Variants in RASL10A observed in about 807,000 individuals in gnomAD.
RASL10A encodes the protein ras-like protein family member 10A.
RASL10A carries 13 observed loss-of-function variants against 17.3 expected under a neutral mutation model. The observed-to-expected ratio is 0.75, with a 90% CI of 0.49 to 1.20. The LOEUF is 1.20. Among genes scored for constraint, RASL10A ranks in the 50% most tolerant of loss-of-function variants. RASL10A has a pLI of 0.00. For synonymous variants in RASL10A, 159 were observed against 142.2 expected (o/e 1.12, Z -0.84); for missense variants, 307 against 310.3 (o/e 0.99, Z 0.08).
At position 29,313,447 on chromosome 22, in the gene RASL10A, A is replaced by G; in HGVS notation, c.466T>C (p.Tyr156His). 1.9e-6 allele frequency: 3 copies of G among 1,541,908 alleles called. No individual in the cohort carries two copies. The highest frequency in any genetic ancestry group is 1.2e-5 in the South Asian group (1 of 84,328). ...TTGTACTTGGCGGAGCACTCGAGGT[A>G]GCCGCAGCGCCAGCCCCTGCGCACT... ...ALVRRGWRCGYLECSAKYNWH... is the reference protein window; with the variant it reads ...ALVRRGWRCGHLECSAKYNWH... Residue 156 changes from tyrosine (Y) to histidine (H), a missense_variant, in exon 3 of 3, where the codon TAC becomes CAC. Transcript: ENST00000216101.
At chr22:29,318,433 G>T (rs577445889), upstream of RASL10A, among the ~76,000 whole-genome samples, 1 of 152,216 alleles carries the variant, frequency 6.6e-6, no homozygotes, top group Non-Finnish European at 1.5e-5. Context: ...TGGACCCAGA[G>T]GGTTCTCAGG....
At chr22:29,318,323 C>T (rs2061462593), upstream of RASL10A, among the ~76,000 whole-genome samples, 1 of 152,208 alleles carries the variant, frequency 6.6e-6, no homozygotes, top group Non-Finnish European at 1.5e-5. Context: ...CCCTGGGACG[C>T]CATGATTGGG....
chr22:29,313,595 G>A, intron 2 of RASL10A, 27 bp from the exon 3 acceptor site: 1 of 1,509,264 alleles, frequency 6.6e-7, no homozygotes, highest in Non-Finnish European at 8.8e-7. Context: ...GATGAGAGAC[G>A]CGGGGACCCC....
At chr22:29,316,623 C>G (rs756429667), upstream of RASL10A, 2 of 152,306 alleles carry the variant, frequency 1.3e-5, no homozygotes, top group Non-Finnish European at 2.9e-5. Context: ...GCCCAGCCCC[C>G]CCATCCTCCG....
At chr22:29,317,392 G>A (rs2061459255), upstream of RASL10A, among the ~76,000 whole-genome samples, 1 of 151,922 alleles carries the variant, frequency 6.6e-6, no homozygotes, top group Admixed American at 6.6e-5. Flanking sequence ...TGTGTACTAC[G>A]ACATCCAGCT....
Position 29,315,193 on chromosome 22 carries a change from C to T in RASL10A, c.54G>A (p.Thr18=). 2.0e-6 allele frequency: 3 copies of T among 1,537,296 alleles called. No individual in the cohort carries two copies. The highest frequency in any genetic ancestry group is 2.6e-6 in the Non-Finnish European group (3 of 1,149,464). ...AVLGAPGVGK[T]AIIRQFLFGD... ...CGAACAGGAACTGGCGGATGATGGC[C>T]GTCTTGCCCACGCCCGGGGCGCCTA... The change falls in exon 1 of 3, where the codon ACG becomes ACA. Residue 18 remains threonine (T), a synonymous_variant. Transcript: ENST00000216101. The surrounding 1 kb of genome is among the most constrained non-coding windows in gnomAD (Gnocchi z 5.5).
Position 29,313,449 on chromosome 22 carries a change from C to T in RASL10A, c.464G>A (p.Gly155Asp). 1.9e-6 allele frequency: 3 copies of T among 1,542,036 alleles called. No homozygotes were observed. Among genetic ancestry groups the T allele is most frequent in the African/African-American group, 1.4e-5 (1 of 73,258 alleles). Residue 155 changes from glycine to aspartate, a missense_variant, in exon 3 of 3, where the codon GGC becomes GAC. Physicochemically the swap from Gly to Asp is moderately conservative, Grantham distance 94. Transcript: ENST00000216101. Reference protein sequence around the residue: ...AALVRRGWRCGYLECSAKYNW... With the variant: ...AALVRRGWRCDYLECSAKYNW... ...GTACTTGGCGGAGCACTCGAGGTAG[C>T]CGCAGCGCCAGCCCCTGCGCACTAG...
chr22:29,314,984 C>T (rs1404903770), intron 1 of RASL10A, 44 bp downstream of exon 1: 4 of 1,412,720 alleles, frequency 2.8e-6, no homozygotes, highest in South Asian at 2.8e-5. Flanking sequence ...GCACGCACAC[C>T]CCTCACACTG....
upstream of RASL10A, chr22:29,316,691 AT>A (rs1443323788): frequency 2.6e-5 from 4 of 152,276 alleles, no homozygotes; most frequent in African/African-American, 4.8e-5. Context: ...GCACATGGCA[AT>A]GCTCAAGAAA....
At chr22:29,313,685 C>G in intron 2 of RASL10A, 117 bp from the exon 3 acceptor site, 1 of 1,416,946 alleles carries the variant, frequency 7.1e-7, no homozygotes. Context: ...CCCCCCCCGC[C>G]GCCCCAACGA....
intron 1 of RASL10A, 197 bp from the exon 2 acceptor site, chr22:29,314,184 A>T (rs1211722217): frequency 1.6e-6 from 1 of 634,118 alleles, no homozygotes; most frequent in Non-Finnish European, 2.6e-6. Context: ...GGAGCCTGTC[A>T]GCCAGCCTCC....
At chr22:29,315,742 G>C (rs1407231393), upstream of RASL10A, 2 of 152,258 alleles carry the variant, frequency 1.3e-5, no homozygotes, top group Admixed American at 1.3e-4. The surrounding 1 kb of genome is among the most constrained non-coding windows in gnomAD (Gnocchi z 5.5). Flanking sequence ...TCCCGGAGGC[G>C]GCGATGAGGT....
chr22:29,313,777 G>A, intron 2 of RASL10A, 86 bp downstream of exon 2: 1 of 1,561,174 alleles, frequency 6.4e-7, no homozygotes, highest in Non-Finnish European at 8.7e-7. Flanking sequence ...GGCCCACGAC[G>A]TTGGGAGACC....
In RASL10A at chr22:29,315,183, G is replaced by A. The variant is rs2061445935; in HGVS notation, c.64C>T (p.Arg22Cys). ...GGGTAGTCACCGAACAGGAACTGGCGGATGATGGCCGTCTTGCCCACGCCC... is the reference window on the plus strand; with the variant it reads ...GGGTAGTCACCGAACAGGAACTGGCAGATGATGGCCGTCTTGCCCACGCCC... The part of the protein sequence containing the change: ...APGVGKTAII[R>C]QFLFGDYPER... The change falls in exon 1 of 3, where the codon CGC becomes TGC. Residue 22 changes from arginine (R) to cysteine (C), a missense_variant. Arg to Cys is a radical substitution (Grantham distance 180). Transcript: ENST00000216101. The surrounding 1 kb of genome is among the most constrained non-coding windows in gnomAD (Gnocchi z 5.5). 6.5e-7 allele frequency: 1 copy of A among 1,540,852 alleles called. No homozygotes were observed. Among genetic ancestry groups the A allele is most frequent in the South Asian group, 1.2e-5 (1 of 83,550 alleles).
chr22:29,313,766 C>T (rs903444208), intron 2 of RASL10A, 97 bp downstream of exon 2: 17 of 1,544,984 alleles, frequency 1.1e-5, no homozygotes, highest in East Asian at 4.5e-5. Context: ...GCCTAAGACC[C>T]GGCCCACGAC....
chr22:29,314,035 C>A, intron 1 of RASL10A, 48 bp from the exon 2 acceptor site: 1 of 1,604,146 alleles, frequency 6.2e-7, no homozygotes, highest in Non-Finnish European at 8.5e-7. Context: ...TCCACTCTTC[C>A]GCTCTCGAAC....
chr22:29,313,533 A>C lies in RASL10A; in HGVS notation c.380T>G (p.Val127Gly). The C allele has an allele frequency of 6.4e-7, 1 of 1,563,128 alleles. No individual in the cohort carries two copies. ...AGAPEAPILV[V>G]GNKRDRQRLR... ...CCGCTGCCTGTCCCGCTTGTTGCCT[A>C]CCACGAGGATGGGCGCTTCGGGCGC... The change falls in exon 3 of 3, where the codon GTA becomes GGA. Residue 127 changes from valine (V) to glycine (G), a missense_variant. Transcript: ENST00000216101.
rs1440917956 is a variant in RASL10A at position 29,315,570 on chromosome 22, GA to G, written c.-325del. On this transcript the variant is annotated 5_prime_UTR_variant, in exon 1 of 3. Transcript: ENST00000216101. The surrounding 1 kb of genome is among the most constrained non-coding windows in gnomAD (Gnocchi z 5.5). ...CGCAGCGCCAACCCAGGCGCCGGCG[GA>G]CGCGCGAGGCGCCGAAGTCCGCCCC... The G allele has an allele frequency of 5.9e-6, 1 of 168,700 alleles. No homozygotes were observed. The highest frequency in any genetic ancestry group is 2.4e-5 in the African/African-American group (1 of 41,970). 10.5% of individuals were successfully genotyped at this position (168,700 alleles called of 1,614,324 possible).
At chr22:29,316,708 G>T, upstream of RASL10A, 1 of 152,394 alleles carries the variant, frequency 6.6e-6, no homozygotes. Context: ...AGAAATGGCG[G>T]CAATGCTCAA....
Sources: allele counts gnomAD v4.1 joint callset (sites outside exome capture counted in the v4.1 genomes callset), GRCh38; gene constraint gnomAD v4.1.1; non-coding constraint Gnocchi (gnomAD v3.1); transcripts MANE v1.5; gene names NCBI Gene and HGNC (gene_info 2026-07-23, HGNC 2026-07-21).